Variants in SIRT1 observed in about 807,000 individuals in gnomAD.
The protein encoded by SIRT1 is NAD-dependent protein deacetylase sirtuin-1.
Under a neutral mutation model 67.9 loss-of-function variants are expected in SIRT1, and 24 were observed. The ratio of observed to expected loss-of-function variants is 0.35; its 90% CI spans 0.26 to 0.50. The LOEUF (loss-of-function observed/expected upper bound fraction) is 0.50. Among genes scored for constraint, SIRT1 ranks in the 20% least tolerant of loss-of-function variants. The pLI, the probability that SIRT1 is intolerant of heterozygous loss-of-function variation, is 0.98. For missense variants in SIRT1, 873 were observed against 937.2 expected, an observed-to-expected ratio of 0.93 and a Z score of 0.89; for synonymous variants, 378 against 350.7, an observed-to-expected ratio of 1.08 and a Z score of -0.87.
intron 4 of SIRT1, among the ~76,000 whole-genome samples, chr10:67,898,622 A>G (rs1464297318): frequency 6.6e-6 from 1 of 152,228 alleles, no homozygotes; most frequent in Non-Finnish European, 1.5e-5. Flanking sequence ...TATATGGATT[A>G]TATATCTATA....
rs1351830584 is a variant in SIRT1, at chr10:67,916,285, C to A, written c.1936C>A (p.Pro646Thr). ...TTCAGGTAATCAGTATCTGTTTTTG[C>A]CACCAAATCGTTACATTTTCCATGG... is the stretch of plus-strand genomic sequence containing the variant. ...RLDGNQYLFL[P>T]PNRYIFHGAE... The change falls in exon 9 of 9, where the codon CCA becomes ACA. Residue 646 changes from proline (P) to threonine (T), a missense_variant. Physicochemically the swap from Pro to Thr is conservative, Grantham distance 38. Around this residue, in one of 3 missense-constraint regions of SIRT1, gnomAD observed 295 missense variants for 294.5 expected, o/e 1.00. Transcript: ENST00000212015. 5 of 1,597,400 alleles carry A rather than the reference C, an allele frequency of 3.1e-6. No homozygotes were observed. The African/African-American group carries it at 5.4e-5, about 17-fold the overall frequency.
At chr10:67,904,544 C>T (rs1227518559) in intron 4 of SIRT1, among the ~76,000 whole-genome samples, 3 of 152,096 alleles carry the variant, frequency 2.0e-5, no homozygotes, top group Non-Finnish European at 4.4e-5. Flanking sequence ...CAGATTCTCA[C>T]ATATGTAAAA....
rs111804983 is a variant in SIRT1, at chr10:67,890,681, C to A, written c.790-721C>A. ...CGGAAAGGTTAAGGCCATAATGAGC[C>A]ATGATGGCACCACTGCACTCCAGCC... On this transcript the variant is annotated intron_variant, in intron 3 of 8. Coordinates refer to ENST00000212015, the MANE Select transcript of SIRT1 (RefSeq NM_012238.5). Among the ~76,000 whole-genome samples, 3 of 151,984 alleles carry A rather than the reference C, an allele frequency of 2.0e-5. 1 individual carries two copies. Among genetic ancestry groups the A allele is most frequent in the African/African-American group, 7.2e-5 (3 of 41,450 alleles).
At chr10:67,893,020 C>T (rs578011081) in intron 4 of SIRT1, among the ~76,000 whole-genome samples, 1 of 152,338 alleles carries the variant, frequency 6.6e-6, no homozygotes, top group African/African-American at 2.4e-5. Flanking sequence ...ACACCATTCT[C>T]AAGAGATTGA....
In SIRT1 at chr10:67,884,936, C is replaced by T. The variant is rs1461061909; in HGVS notation, c.215C>T (p.Ala72Val). The change falls in exon 1 of 9, where the codon GCG becomes GTG. Residue 72 changes from alanine (A) to valine (V), a missense_variant. Coordinates refer to ENST00000212015, the MANE Select transcript of SIRT1 (RefSeq NM_012238.5). ...AAARGCPGAA[A>V]AALWREAEAE... Reference sequence around the variant, plus strand: ...GCCAGGGGCTGCCCGGGTGCGGCGGCGGCGGCGCTGTGGCGGGAGGCGGAG... The same window carrying T: ...GCCAGGGGCTGCCCGGGTGCGGCGGTGGCGGCGCTGTGGCGGGAGGCGGAG... 11 of 1,246,060 alleles carry T rather than the reference C, an allele frequency of 8.8e-6. No individual in the cohort carries two copies. The highest frequency in any genetic ancestry group is 1.6e-5 in the African/African-American group (1 of 63,500). 77.2% of individuals were successfully genotyped at this position (1,246,060 alleles called of 1,614,324 possible).
chr10:67,908,785 T>C (rs1842857615), intron 6 of SIRT1, among the ~76,000 whole-genome samples: 1 of 152,054 alleles, frequency 6.6e-6, no homozygotes, highest in South Asian at 2.1e-4. Context: ...GCCTTTAATC[T>C]CAGCTGCTTG....
chr10:67,904,593 C>G (rs1374377266), intron 4 of SIRT1, among the ~76,000 whole-genome samples: 1 of 152,064 alleles, frequency 6.6e-6, no homozygotes, highest in African/African-American at 2.4e-5. Flanking sequence ...CGCCTGTAAT[C>G]CCAGCACTTT....
intron 7 of SIRT1, among the ~76,000 whole-genome samples, chr10:67,909,818 G>A (rs748369224): frequency 4.0e-5 from 6 of 151,736 alleles, no homozygotes; most frequent in Non-Finnish European, 8.8e-5. Context: ...CAGGTGATCC[G>A]CCTGTCTCTG....
intron 4 of SIRT1, chr10:67,906,158 T>A: frequency 7.4e-7 from 1 of 1,348,596 alleles, no homozygotes; most frequent in South Asian, 2.1e-5. Context: ...TCTTTGTTTT[T>A]AAAGAAGAAA....
chr10:67,900,068 A>G (rs1451522257), intron 4 of SIRT1, among the ~76,000 whole-genome samples: 3 of 152,210 alleles, frequency 2.0e-5, no homozygotes, highest in Non-Finnish European at 4.4e-5. Flanking sequence ...TGGGCAACAG[A>G]GCGAGACTCT....
At chr10:67,894,802 C>A (rs12783242) in intron 4 of SIRT1, among the ~76,000 whole-genome samples, 1 of 151,942 alleles carries the variant, frequency 6.6e-6, no homozygotes, top group Non-Finnish European at 1.5e-5. Flanking sequence ...CTCCACCTCC[C>A]GGGTTCAAGC....
chr10:67,895,131 G>C (rs990460256), intron 4 of SIRT1, among the ~76,000 whole-genome samples: 1 of 152,006 alleles, frequency 6.6e-6, no homozygotes, highest in Non-Finnish European at 1.5e-5. Context: ...AAAAAAGAAA[G>C]CTTCCAGTCT....
chr10:67,885,420 G>C (rs1842461097), intron 1 of SIRT1: 1 of 1,223,402 alleles, frequency 8.2e-7, no homozygotes, highest in Middle Eastern at 3.2e-4. Flanking sequence ...TCTCGCAGTC[G>C]CTTTAAAATA....
intron 1 of SIRT1, among the ~76,000 whole-genome samples, chr10:67,886,944 T>C (rs955232117): frequency 6.6e-6 from 1 of 152,074 alleles, no homozygotes; most frequent in Non-Finnish European, 1.5e-5. Context: ...TGATCTCGGC[T>C]CACCGCAACC....
intron 4 of SIRT1, among the ~76,000 whole-genome samples, chr10:67,894,017 A>G (rs11599176): frequency 0.11 from 16,941 of 152,224 alleles, 974 homozygotes; most frequent in South Asian, 0.15. Flanking sequence ...GCTCGTGCCT[A>G]TAATCCCAGT....
chr10:67,906,284 T>G, intron 4 of SIRT1: 3 of 1,580,666 alleles, frequency 1.9e-6, no homozygotes, highest in South Asian at 1.2e-5. Context: ...GGAAAACAAT[T>G]TTGGTAAGGA....
intron 7 of SIRT1, among the ~76,000 whole-genome samples, chr10:67,912,251 C>G (rs1175825733): frequency 5.3e-5 from 8 of 152,096 alleles, no homozygotes; most frequent in Admixed American, 5.2e-4. Flanking sequence ...CAGGGGTAAC[C>G]AGGTGATAGG....
chr10:67,892,201 A>G (rs1842584510), intron 4 of SIRT1, among the ~76,000 whole-genome samples: 1 of 152,230 alleles, frequency 6.6e-6, no homozygotes, highest in Non-Finnish European at 1.5e-5. Flanking sequence ...TTAAACAAAT[A>G]TTGGTTTTTA....
In SIRT1 at chr10:67,899,321, TAAA is replaced by T. The variant is rs1416268962; in HGVS notation, c.943-7468_943-7466del. Among the ~76,000 whole-genome samples, 30 of 151,022 alleles carry T rather than the reference TAAA, an allele frequency of 2.0e-4. 1 individual carries two copies. The South Asian group carries it at 6.0e-3, about 30-fold the overall frequency. On this transcript the variant is annotated intron_variant, in intron 4 of 8. Coordinates refer to ENST00000212015, the MANE Select transcript of SIRT1 (RefSeq NM_012238.5). Reference sequence around the variant, plus strand: ...TCTTAGCATTAAAAAAAAAGTTATATAAATATATATAATTATATATATATTTGA... The same window carrying T: ...TCTTAGCATTAAAAAAAAAGTTATATTATATATAATTATATATATATTTGA...
Sources: gnomAD v4.1 joint callset for allele counts (sites outside exome capture counted in the v4.1 genomes callset) on GRCh38, gnomAD v4.1.1 for gene constraint, gnomAD v4.1.1 regional missense constraint, MANE v1.5 for transcripts, NCBI Gene and HGNC (gene_info 2026-07-23, HGNC 2026-07-21) for gene names.